Variants in SH3PXD2B observed in about 807,000 individuals in gnomAD.
SH3PXD2B encodes SH3 and PX domains 2B, also known as SH3 and PX domain-containing protein 2B.
A neutral mutation model predicts 73.1 loss-of-function variants in SH3PXD2B; 37 were observed. The observed-to-expected ratio is 0.51, with a 90% CI of 0.39 to 0.67. The LOEUF (loss-of-function observed/expected upper bound fraction) is 0.67. Among genes scored for constraint, SH3PXD2B ranks in the 30% least tolerant of loss-of-function variants. SH3PXD2B has a pLI of 0.00. For synonymous variants in SH3PXD2B, 457 were observed against 480.5 expected (o/e 0.95, Z 0.64); for missense variants, 1,053 against 1,197.8 (o/e 0.88, Z 1.78).
In SH3PXD2B at chr5:172,362,767, T is replaced by C. The variant is rs757443743; in HGVS notation, c.530A>G (p.Gln177Arg). The C allele has an allele frequency of 1.2e-6, 2 of 1,614,126 alleles. No individual in the cohort carries two copies. The highest frequency in any genetic ancestry group is 1.7e-6 in the Non-Finnish European group (2 of 1,180,016). Residue 177 changes from glutamine (Q) to arginine (R), a missense_variant, in exon 7 of 13, where the codon CAG becomes CGG. Gln to Arg is a conservative substitution (Grantham distance 43). This residue lies in a region of SH3PXD2B where 466 missense variants were observed against 607.1 expected (regional missense o/e 0.77). Transcript: ENST00000311601. Reference protein sequence around the residue: ...ESSEISLSVGQVVDIIEKNES... With the variant: ...ESSEISLSVGRVVDIIEKNES... ...ATTCTTCTCGATGATGTCCACCACC[T>C]GCCCCACGCTGAGGCTGATCTCCGA...
At chr5:172,417,231 G>A (rs1248380130) in intron 2 of SH3PXD2B, among the ~76,000 whole-genome samples, 1 of 152,208 alleles carries the variant, frequency 6.6e-6, no homozygotes, top group East Asian at 1.9e-4. Flanking sequence ...TCAGTCCCCA[G>A]GTTGGTCCCG....
In SH3PXD2B at chr5:172,421,498, C is replaced by G. The variant is rs911097784; in HGVS notation, c.156+918G>C. On this transcript the variant is annotated intron_variant, in intron 2 of 12. Transcript: ENST00000311601. This position sits in a 1 kb window ranked among gnomAD's most constrained non-coding sequence, Gnocchi z 4.0. ...CAGGAAGAGAAAGATGTGGTTCTGGCCCACAATAGTCACAGTCTAGGCAGG... is the reference window on the plus strand; with the variant it reads ...CAGGAAGAGAAAGATGTGGTTCTGGGCCACAATAGTCACAGTCTAGGCAGG... 6.6e-6 allele frequency among the ~76,000 whole-genome samples: 1 copy of G among 152,112 alleles called. No individual in the cohort carries two copies. Among genetic ancestry groups the G allele is most frequent in the African/African-American group, 2.4e-5 (1 of 41,410 alleles).
At chr5:172,354,425 G>C (rs1757228310) in intron 8 of SH3PXD2B, among the ~76,000 whole-genome samples, 1 of 152,194 alleles carries the variant, frequency 6.6e-6, no homozygotes, top group Non-Finnish European at 1.5e-5. Flanking sequence ...TCCTCTGCTG[G>C]AATATGAGCT....
Position 172,338,089 on chromosome 5 carries a change from T to G in SH3PXD2B, c.*280A>C. The G allele has an allele frequency of 1.5e-6, 2 of 1,351,934 alleles. No individual in the cohort carries two copies. The highest frequency in any genetic ancestry group is 1.9e-6 in the Non-Finnish European group (2 of 1,048,766). The allele number at this position is 1,351,934 out of a possible 1,614,324, so 83.7% of individuals were successfully genotyped here. Reference sequence around the variant, plus strand: ...TCCCACTGCTGGGTGGCAATGCCATTGGCCAGGAGGAGTTCTCTTAAGGCA... The same window carrying G: ...TCCCACTGCTGGGTGGCAATGCCATGGGCCAGGAGGAGTTCTCTTAAGGCA... On this transcript the variant is annotated 3_prime_UTR_variant, in exon 13 of 13. Coordinates refer to ENST00000311601, the MANE Select transcript of SH3PXD2B (RefSeq NM_001017995.3). The surrounding 1 kb of genome is among the most constrained non-coding windows in gnomAD (Gnocchi z 5.1).
chr5:172,366,979 C>T (rs1479334091), intron 6 of SH3PXD2B, among the ~76,000 whole-genome samples: 1 of 136,202 alleles, frequency 7.3e-6, no homozygotes, highest in African/African-American at 2.7e-5. Context: ...CCCCATCGCC[C>T]AGGCTGGAGT....
chr5:172,345,108 A>AG (rs1452381430), intron 12 of SH3PXD2B, among the ~76,000 whole-genome samples: 2,533 of 147,956 alleles, frequency 0.017, 106 homozygotes, highest in African/African-American at 0.063. Context: ...GAGGGAAGGA[A>AG]GAAGGGAAGG....
chr5:172,335,330 C>A lies in SH3PXD2B; in HGVS notation c.*3039G>T. Reference sequence around the variant, plus strand: ...GAGCAAGGGGCGGGGGGAAGAGGCACCGAAATTCAGAGGGAGGGTCACTTG... The same window carrying A: ...GAGCAAGGGGCGGGGGGAAGAGGCAACGAAATTCAGAGGGAGGGTCACTTG... On this transcript the variant is annotated 3_prime_UTR_variant, in exon 13 of 13. Coordinates refer to ENST00000311601, the MANE Select transcript of SH3PXD2B (RefSeq NM_001017995.3). The A allele has an allele frequency of 8.4e-7, 1 of 1,194,792 alleles. No individual in the cohort carries two copies. Among genetic ancestry groups the A allele is most frequent in the African/African-American group, 1.6e-5 (1 of 63,748 alleles). 74.0% of individuals were successfully genotyped at this position (1,194,792 alleles called of 1,614,324 possible).
intron 7 of SH3PXD2B, among the ~76,000 whole-genome samples, chr5:172,361,353 T>G (rs1236275912): frequency 1.2e-4 from 19 of 152,196 alleles, no homozygotes; most frequent in Admixed American, 1.2e-3. Flanking sequence ...CTAAGAATAA[T>G]GTATCCACGT....
rs776585646 is a variant in SH3PXD2B, at chr5:172,339,570, G to A, written c.1535C>T (p.Ser512Leu). Residue 512 changes from serine (S) to leucine (L), a missense_variant, in exon 13 of 13, where the codon TCA becomes TTA. This residue lies in a region of SH3PXD2B where 587 missense variants were observed against 590.7 expected (regional missense o/e 0.99). Transcript: ENST00000311601. The surrounding 1 kb of genome is among the most constrained non-coding windows in gnomAD (Gnocchi z 6.1). ...GGGCTTCTCCTCCATGTCGGGGTCT[G>A]AGATCTCCTCGTAGCCTGCTGACGC... The part of the protein sequence containing the change: ...MSASAGYEEI[S>L]DPDMEEKPSL... 3.1e-6 allele frequency: 5 copies of A among 1,614,224 alleles called. No homozygotes were observed. The highest frequency in any genetic ancestry group is 1.7e-5 in the Admixed American group (1 of 60,034).
rs1373356475 is a variant in SH3PXD2B at position 172,333,881 on chromosome 5, C to T, written c.*4488G>A. 7.8e-7 allele frequency: 1 copy of T among 1,274,678 alleles called. No individual in the cohort carries two copies. Among genetic ancestry groups the T allele is most frequent in the African/African-American group, 1.5e-5 (1 of 64,652 alleles). 79.0% of individuals were successfully genotyped at this position (1,274,678 alleles called of 1,614,324 possible). On this transcript the variant is annotated 3_prime_UTR_variant, in exon 13 of 13. Coordinates refer to ENST00000311601, the MANE Select transcript of SH3PXD2B (RefSeq NM_001017995.3). Reference sequence around the variant, plus strand: ...ATCACCCCTCTAAGTGAAAGGGGCGCTAACAATAATTACACGGGCACAAAG... The same window carrying T: ...ATCACCCCTCTAAGTGAAAGGGGCGTTAACAATAATTACACGGGCACAAAG...
chr5:172,366,999 C>T (rs111784301), intron 6 of SH3PXD2B, among the ~76,000 whole-genome samples: 12,137 of 137,398 alleles, frequency 0.088, 1,108 homozygotes, highest in African/African-American at 0.23. Context: ...TACAGTGGCA[C>T]GATCTCAGCT....
chr5:172,368,526 T>TAAAA (rs1554136982), intron 6 of SH3PXD2B, among the ~76,000 whole-genome samples: 4 of 7,098 alleles, frequency 5.6e-4, no homozygotes, highest in African/African-American at 7.3e-4. Flanking sequence ...TATATATATA[T>TAAAA]TATATATATA....
chr5:172,354,901 T>A (rs1444004685), intron 8 of SH3PXD2B, among the ~76,000 whole-genome samples: 1 of 152,098 alleles, frequency 6.6e-6, no homozygotes, highest in East Asian at 1.9e-4. Flanking sequence ...CCCAGCTGCG[T>A]CCCTCCCACA....
Position 172,366,726 on chromosome 5 carries a change from G to A in SH3PXD2B, c.428-3857C>T, listed in dbSNP as rs183655332. Among the ~76,000 whole-genome samples the A allele has an allele frequency of 2.8e-3, 421 of 151,910 alleles. 1 individual carries two copies. The highest frequency in any genetic ancestry group is 8.3e-3 in the African/African-American group (345 of 41,422). On this transcript the variant is annotated intron_variant, in intron 6 of 12. Coordinates refer to ENST00000311601, the MANE Select transcript of SH3PXD2B (RefSeq NM_001017995.3). The stretch of plus-strand genomic sequence containing the variant: ...CGGCTCACTGCACTCTCTGCCTCCC[G>A]GGTGCAAGTGATTCTCCTGCCTCAG...
chr5:172,374,792 G>A (rs1462334008), intron 5 of SH3PXD2B, among the ~76,000 whole-genome samples: 6 of 152,138 alleles, frequency 3.9e-5, no homozygotes, highest in Non-Finnish European at 8.8e-5. Flanking sequence ...GGTTGGGTTG[G>A]GATGGACATT....
intron 5 of SH3PXD2B, among the ~76,000 whole-genome samples, chr5:172,374,117 C>T (rs890890326): frequency 1.3e-5 from 2 of 152,194 alleles, no homozygotes; most frequent in Non-Finnish European, 2.9e-5. Flanking sequence ...GAGTTAGGTC[C>T]TCACACTGCA....
downstream of SH3PXD2B, among the ~76,000 whole-genome samples, chr5:172,332,256 C>CTTTTTTTTTTTTTTTTTTTTTT (rs57471345): frequency 7.0e-6 from 1 of 143,016 alleles, no homozygotes; most frequent in African/African-American, 2.6e-5. Context: ...TTTTTCCTTC[C>CTTTTTTTTTTTTTTTTTTTTTT]TTTTTTTTTT....
Position 172,339,992 on chromosome 5 carries a change from G to C in SH3PXD2B, c.1189-76C>G. On this transcript the variant is annotated intron_variant, in intron 12 of 12. Coordinates refer to ENST00000311601, the MANE Select transcript of SH3PXD2B (RefSeq NM_001017995.3). This position sits in a 1 kb window ranked among gnomAD's most constrained non-coding sequence, Gnocchi z 6.1. ...GATGGAATGGTTTGGCAGAACCCAT[G>C]TGCAACTGGAGCTCTAGAAGCTGTC... The C allele has an allele frequency of 6.3e-7, 1 of 1,590,554 alleles. No homozygotes were observed. Among genetic ancestry groups the C allele is most frequent in the Non-Finnish European group, 8.6e-7 (1 of 1,168,588 alleles).
chr5:172,336,610 TC>T lies in SH3PXD2B; in HGVS notation c.*1758del, dbSNP rs1756698989. On this transcript the variant is annotated 3_prime_UTR_variant, in exon 13 of 13. Transcript: ENST00000311601. ...TGGCACTGCAGGTAGACACTGAGCA[TC>T]CCCCCAAAAAACTGGCTTTGTGGGT... The T allele has an allele frequency of 2.1e-6, 2 of 963,362 alleles. No homozygotes were observed. The highest frequency in any genetic ancestry group is 1.2e-6 in the Non-Finnish European group (1 of 825,582). The allele number at this position is 963,362 out of a possible 1,614,324, so 59.7% of individuals were successfully genotyped here. A position where few individuals can be genotyped will look rare whatever the true frequency, so the allele number is the denominator to read the frequency against.
Sources: gnomAD v4.1 joint callset for allele counts (sites outside exome capture counted in the v4.1 genomes callset) on GRCh38, gnomAD v4.1.1 for gene constraint, gnomAD v4.1.1 regional missense constraint, Gnocchi (gnomAD v3.1) non-coding constraint, MANE v1.5 for transcripts, NCBI Gene and HGNC (gene_info 2026-07-23, HGNC 2026-07-21) for gene names.